Variants in MICAL2 observed in about 807,000 individuals in gnomAD.
The protein encoded by MICAL2 is [F-actin]-monooxygenase MICAL2.
A neutral mutation model predicts 127.3 loss-of-function variants in MICAL2; 77 were observed. That is an observed-to-expected ratio of 0.60 (90% CI 0.50 to 0.73). The LOEUF is 0.73. Ranked by LOEUF, MICAL2 falls within the 30% of genes least tolerant of loss-of-function variation. MICAL2 has a pLI of 0.00. For synonymous variants in MICAL2, 570 were observed against 551.1 expected (o/e 1.03, Z -0.48); for missense variants, 1,351 against 1,434.4 (o/e 0.94, Z 0.94).
At position 12,242,199 on chromosome 11, in the gene MICAL2, T is replaced by C. The variant is rs758545035; in HGVS notation, c.2338-15T>C. Reference sequence around the variant, plus strand: ...CCGCAGTAGGGAAGGAAGCTTAATTTTCCCTCTTTCCCAGTTCCCCTCTGT... The same window carrying C: ...CCGCAGTAGGGAAGGAAGCTTAATTCTCCCTCTTTCCCAGTTCCCCTCTGT... On this transcript the variant is annotated splice_polypyrimidine_tract_variant and intron_variant, in intron 18 of 27. Coordinates refer to ENST00000683283, the MANE Select transcript of MICAL2 (RefSeq NM_001282663.2). The C allele has an allele frequency of 4.2e-5, 66 of 1,587,292 alleles. No homozygotes were observed. The South Asian group carries it at 7.3e-4, about 18-fold the overall frequency.
intron 1 of MICAL2, among the ~76,000 whole-genome samples, chr11:12,119,945 C>A (rs1022913311): frequency 1.3e-5 from 2 of 152,222 alleles, no homozygotes. Context: ...AGAGTCAGGT[C>A]TCTTTTCCAT....
chr11:12,308,586 C>A (rs1434820418), intron 29 of MICAL2, among the ~76,000 whole-genome samples: 1 of 152,140 alleles, frequency 6.6e-6, no homozygotes, highest in African/African-American at 2.4e-5. Flanking sequence ...TATGTAGAAG[C>A]AAATTAACTT....
At chr11:12,267,255 C>A (rs1863618749), downstream of MICAL2, among the ~76,000 whole-genome samples, 1 of 152,192 alleles carries the variant, frequency 6.6e-6, no homozygotes, top group Non-Finnish European at 1.5e-5. Context: ...TGCCCGCTTG[C>A]TCCACACCTG....
chr11:12,263,813 T>C (rs1863432294), downstream of MICAL2: 1 of 152,610 alleles, frequency 6.6e-6, no homozygotes, highest in East Asian at 1.9e-4. Flanking sequence ...TTCTTTGCCG[T>C]GGAAGCTTCT....
chr11:12,255,935 G>C (rs1181386995), intron 23 of MICAL2, 185 bp downstream of exon 23: 11 of 548,510 alleles, frequency 2.0e-5, no homozygotes, highest in Admixed American at 1.5e-4. Context: ...CTTAAAGACA[G>C]ATCTCACTCA....
intron 6 of MICAL2, among the ~76,000 whole-genome samples, chr11:12,211,851 G>T (rs535342734): frequency 6.6e-6 from 1 of 152,212 alleles, no homozygotes; most frequent in Non-Finnish European, 1.5e-5. Context: ...ATGGCGGCGG[G>T]CTGGACAGCA....
At chr11:12,190,628 T>G in intron 3 of MICAL2, among the ~76,000 whole-genome samples, 1 of 152,250 alleles carries the variant, frequency 6.6e-6, no homozygotes, top group East Asian at 1.9e-4. Context: ...TCCATTTTTG[T>G]AAAGTGTAAA....
In MICAL2 at chr11:12,222,763, T is replaced by G; in HGVS notation, c.1449+20T>G. 1 of 1,613,894 alleles carries G rather than the reference T, an allele frequency of 6.2e-7. No homozygotes were observed. Among genetic ancestry groups the G allele is most frequent in the South Asian group, 1.1e-5 (1 of 91,038 alleles). ...CATCAGGCAAGTCCATTGCTGGGGC[T>G]CTGTCTGAATCACTCTGCACTGAAC... On this transcript the variant is annotated intron_variant, in intron 11 of 27. Coordinates refer to ENST00000683283, the MANE Select transcript of MICAL2 (RefSeq NM_001282663.2).
At chr11:12,327,661 A>G (rs1458149415) in intron 32 of MICAL2, among the ~76,000 whole-genome samples, 1 of 151,290 alleles carries the variant, frequency 6.6e-6, no homozygotes. Flanking sequence ...GTGAGAGTCA[A>G]TGTCCTGGTT....
chr11:12,222,725 C>A lies in MICAL2; in HGVS notation c.1431C>A (p.His477Gln). 6.2e-7 allele frequency: 1 copy of A among 1,614,208 alleles called. No homozygotes were observed. Among genetic ancestry groups the A allele is most frequent in the Non-Finnish European group, 8.5e-7 (1 of 1,180,030 alleles). The stretch of plus-strand genomic sequence containing the variant: ...CACGGTACCCAAACCTCAACTCACA[C>A]TGTGTCAGGCCCCATCAGGCAAGTC... ...PGTRYPNLNS[H>Q]CVRPHQVKHL... is the part of the protein sequence containing the mutation. Residue 477 changes from histidine (H) to glutamine (Q), a missense_variant, in exon 11 of 28, where the codon CAC (histidine) becomes CAA (glutamine). Physicochemically the swap from His to Gln is conservative, Grantham distance 24 (BLOSUM62 0). Coordinates refer to ENST00000683283, the MANE Select transcript of MICAL2 (RefSeq NM_001282663.2).
At position 12,223,456 on chromosome 11, in the gene MICAL2, G is replaced by A. The variant is rs201196953; in HGVS notation, c.1495G>A (p.Glu499Lys). Reference sequence around the variant, plus strand: ...TAAGGAGCTGGAGCACTACCCTCTCGAGAGACTGGGCTCGGTGAGGAGATC... The same window carrying A: ...TAAGGAGCTGGAGCACTACCCTCTCAAGAGACTGGGCTCGGTGAGGAGATC... ...ITKELEHYPLERLGSVRRSVN... is the reference protein window; with the variant it reads ...ITKELEHYPLKRLGSVRRSVN... Residue 499 changes from glutamate (E) to lysine (K), a missense_variant, in exon 12 of 28, where the codon GAG (glutamate) becomes AAG (lysine). Coordinates refer to ENST00000683283, the MANE Select transcript of MICAL2 (RefSeq NM_001282663.2). 45 of 1,614,066 alleles carry A rather than the reference G, an allele frequency of 2.8e-5. No individual in the cohort carries two copies. The highest frequency in any genetic ancestry group is 9.3e-5 in the African/African-American group (7 of 75,020).
chr11:12,258,378 C>A, intron 24 of MICAL2, 90 bp from the exon 25 acceptor site: 2 of 980,796 alleles, frequency 2.0e-6, no homozygotes, highest in Non-Finnish European at 3.3e-6. Flanking sequence ...TATTTTCTGA[C>A]TTGGACAGTG....
intron 31 of MICAL2, chr11:12,327,080 GC>G: frequency 9.3e-7 from 1 of 1,074,714 alleles, no homozygotes; most frequent in Non-Finnish European, 1.4e-6. Flanking sequence ...AAGTGAAAGG[GC>G]CTCTTTCTCC....
chr11:12,294,290 A>G (rs756552033), downstream of MICAL2: 10 of 1,614,044 alleles, frequency 6.2e-6, no homozygotes, highest in African/African-American at 1.1e-4. Flanking sequence ...CCTCCTTTCC[A>G]ACTCTGAAGG....
At chr11:12,269,937 T>C (rs1268282536) in intron 24 of MICAL2, among the ~76,000 whole-genome samples, 1 of 152,164 alleles carries the variant, frequency 6.6e-6, no homozygotes, top group East Asian at 1.9e-4. Context: ...TGCCCATCAA[T>C]TGGTTCACCC....
intron 33 of MICAL2, among the ~76,000 whole-genome samples, chr11:12,353,156 A>G (rs781636710): frequency 1.3e-5 from 2 of 152,214 alleles, no homozygotes; most frequent in African/African-American, 2.4e-5. Context: ...GTAACCGGGT[A>G]TAACAAAGCG....
intron 3 of MICAL2, among the ~76,000 whole-genome samples, chr11:12,181,377 G>A (rs752822279): frequency 6.6e-6 from 1 of 152,194 alleles, no homozygotes; most frequent in Non-Finnish European, 1.5e-5. Flanking sequence ...TAAAGTCCTG[G>A]TACTATGAAT....
At chr11:12,198,833 TC>T (rs1166936582) in intron 3 of MICAL2, among the ~76,000 whole-genome samples, 2 of 152,198 alleles carry the variant, frequency 1.3e-5, no homozygotes, top group Non-Finnish European at 2.9e-5. Flanking sequence ...AGGCTCAAGC[TC>T]TGTCCAGCCT....
chr11:12,304,158 A>G (rs929346115), intron 29 of MICAL2, among the ~76,000 whole-genome samples: 2 of 152,214 alleles, frequency 1.3e-5, no homozygotes, highest in African/African-American at 4.8e-5. Context: ...TTTTAATTAC[A>G]TGCATGGCTT....
Sources: allele counts gnomAD v4.1 joint callset (sites outside exome capture counted in the v4.1 genomes callset), GRCh38; gene constraint gnomAD v4.1.1; transcripts MANE v1.5; gene names NCBI Gene and HGNC (gene_info 2026-07-23, HGNC 2026-07-21).